NLGN1: variants seen among roughly 807,000 people sequenced by gnomAD.
The protein encoded by NLGN1 is neuroligin 1.
Under a neutral mutation model 65.5 loss-of-function variants are expected in NLGN1, and 12 were observed. The ratio of observed to expected loss-of-function variants is 0.18; its 90% CI spans 0.12 to 0.30. The LOEUF is 0.30. Ranked by LOEUF, NLGN1 falls within the 10% of genes least tolerant of loss-of-function variation. NLGN1 has a pLI of 1.00. For missense variants in NLGN1, 750 were observed against 1,007.1 expected (o/e 0.74, Z 3.46); for synonymous variants, 350 against 359.5 (o/e 0.97, Z 0.30).
intron 2 of NLGN1, among the ~76,000 whole-genome samples, chr3:173,465,636 G>A (rs1405065645): frequency 6.6e-6 from 1 of 152,216 alleles, no homozygotes. Flanking sequence ...TTAGAGGTAA[G>A]AGATGAAGTC....
chr3:173,887,277 G>C (rs1277743864), intron 4 of NLGN1, among the ~76,000 whole-genome samples: 1 of 151,818 alleles, frequency 6.6e-6, no homozygotes, highest in African/African-American at 2.4e-5. Flanking sequence ...ATATTTCTTG[G>C]ATCACAATGA....
chr3:173,705,188 G>A (rs1309249975), intron 3 of NLGN1, among the ~76,000 whole-genome samples: 2 of 151,800 alleles, frequency 1.3e-5, no homozygotes, highest in Non-Finnish European at 2.9e-5. Context: ...GAAGGTAGAT[G>A]AATTTGTGAC....
At chr3:173,833,860 C>G (rs561459502) in intron 4 of NLGN1, among the ~76,000 whole-genome samples, 1 of 152,232 alleles carries the variant, frequency 6.6e-6, no homozygotes, top group South Asian at 2.1e-4. Flanking sequence ...GTTATATAGT[C>G]AAATATACAT....
At chr3:173,536,107 C>T (rs1193635223) in intron 2 of NLGN1, among the ~76,000 whole-genome samples, 1 of 152,172 alleles carries the variant, frequency 6.6e-6, no homozygotes, top group African/African-American at 2.4e-5. Context: ...GGAAACTTGA[C>T]TGGCTTAGGG....
intron 4 of NLGN1, among the ~76,000 whole-genome samples, chr3:173,973,446 A>G (rs1214174391): frequency 1.3e-5 from 2 of 152,140 alleles, no homozygotes; most frequent in African/African-American, 4.8e-5. Context: ...ATAAACCAAG[A>G]AGCAAAGTAA....
In NLGN1 at chr3:173,477,088, G is replaced by A. The variant is rs112174692; in HGVS notation, c.-321+42010G>A. Among the ~76,000 whole-genome samples the A allele has an allele frequency of 3.2e-3, 492 of 152,152 alleles. 3 individuals carry two copies. Among genetic ancestry groups the A allele is most frequent in the African/African-American group, 0.011 (465 of 41,528 alleles). On this transcript the variant is annotated intron_variant, in intron 2 of 6. Coordinates refer to ENST00000457714, the Ensembl canonical transcript of NLGN1. ...GTGAAATGAGCATCAGCAGCCAGTT[G>A]GATATATTGCTCAGTGTTCAGGGGA...
chr3:174,171,809 C>A (rs963205738), intron 4 of NLGN1, among the ~76,000 whole-genome samples: 10 of 152,264 alleles, frequency 6.6e-5, no homozygotes, highest in East Asian at 3.9e-4. Context: ...TCCCACCTCT[C>A]ACCCCAAGTT....
chr3:173,875,636 T>C (rs1460977025), intron 4 of NLGN1, among the ~76,000 whole-genome samples: 2 of 152,196 alleles, frequency 1.3e-5, no homozygotes, highest in Non-Finnish European at 2.9e-5. Context: ...TATTTTTAAA[T>C]GAGAAAATAT....
chr3:173,468,442 C>G (rs1464757592), intron 2 of NLGN1, among the ~76,000 whole-genome samples: 1 of 151,968 alleles, frequency 6.6e-6, no homozygotes, highest in African/African-American at 2.4e-5. Context: ...TAATAAAATT[C>G]CTTTATATCA....
At chr3:173,746,012 A>G (rs1775307949) in intron 3 of NLGN1, among the ~76,000 whole-genome samples, 1 of 152,090 alleles carries the variant, frequency 6.6e-6, no homozygotes, top group Non-Finnish European at 1.5e-5. Context: ...TGCCCTCTCT[A>G]AGTGAGGCAT....
intron 4 of NLGN1, among the ~76,000 whole-genome samples, chr3:174,174,770 T>C (rs971049955): frequency 3.3e-5 from 5 of 151,940 alleles, no homozygotes; most frequent in Non-Finnish European, 5.9e-5. Context: ...TTTTTTAATA[T>C]ATAAGCACTT....
At chr3:173,396,040 T>C (rs976132244), upstream of NLGN1, among the ~76,000 whole-genome samples, 2 of 151,960 alleles carry the variant, frequency 1.3e-5, no homozygotes, top group Non-Finnish European at 2.9e-5. Context: ...CGTGTGTGTG[T>C]GCGTGTCTAC....
At chr3:173,494,968 A>T (rs768862430) in intron 2 of NLGN1, among the ~76,000 whole-genome samples, 2 of 151,792 alleles carry the variant, frequency 1.3e-5, no homozygotes, top group Non-Finnish European at 2.9e-5. Flanking sequence ...TTGTTCTTTT[A>T]CTAAATTGCT....
At chr3:174,104,881 G>A (rs1713369633) in intron 4 of NLGN1, among the ~76,000 whole-genome samples, 1 of 152,054 alleles carries the variant, frequency 6.6e-6, no homozygotes, top group African/African-American at 2.4e-5. Flanking sequence ...AAGGTATTGA[G>A]TGTCATGCTG....
chr3:174,024,485 CTA>C (rs1322425934), intron 4 of NLGN1, among the ~76,000 whole-genome samples: 1 of 152,022 alleles, frequency 6.6e-6, no homozygotes, highest in Non-Finnish European at 1.5e-5. Context: ...GATTTATGGT[CTA>C]TGTGTAACAA....
At chr3:173,691,998 T>C (rs184549733) in intron 3 of NLGN1, among the ~76,000 whole-genome samples, 1 of 152,240 alleles carries the variant, frequency 6.6e-6, no homozygotes, top group East Asian at 1.9e-4. Context: ...TTTATTGCAC[T>C]AAGGTACACG....
At chr3:173,512,788 A>G (rs964195077) in intron 2 of NLGN1, among the ~76,000 whole-genome samples, 3 of 152,152 alleles carry the variant, frequency 2.0e-5, no homozygotes, top group African/African-American at 4.8e-5. Context: ...CAACATTTCT[A>G]TCATATCTGA....
chr3:173,983,488 T>C (rs1719211365), intron 4 of NLGN1, among the ~76,000 whole-genome samples: 1 of 152,160 alleles, frequency 6.6e-6, no homozygotes, highest in Non-Finnish European at 1.5e-5. Flanking sequence ...TGTATCCTTG[T>C]TTGAAAGGCA....
chr3:173,613,292 C>T (rs1752581604), intron 3 of NLGN1, among the ~76,000 whole-genome samples: 1 of 152,102 alleles, frequency 6.6e-6, no homozygotes, highest in Non-Finnish European at 1.5e-5. Flanking sequence ...CCCAAGTTCA[C>T]ATGACTGTTA....
Sources: gnomAD v4.1 joint callset for allele counts (sites outside exome capture counted in the v4.1 genomes callset) on GRCh38, gnomAD v4.1.1 for gene constraint, MANE v1.5 for transcripts, NCBI Gene and HGNC (gene_info 2026-07-23, HGNC 2026-07-21) for gene names.